Variants in SEC14L5 observed in about 807,000 individuals in gnomAD.
The protein encoded by SEC14L5 is SEC14-like protein 5.
Under a neutral mutation model 84.6 loss-of-function variants are expected in SEC14L5, and 96 were observed. The ratio of observed to expected loss-of-function variants is 1.13; its 90% CI spans 0.96 to 1.34. SEC14L5 has a LOEUF of 1.34. SEC14L5 is among the 40% of genes most tolerant of loss of function. SEC14L5 has a pLI of 0.00. For missense variants in SEC14L5, 1,224 were observed against 942.5 expected, an observed-to-expected ratio of 1.30 and a Z score of -3.91; for synonymous variants, 546 against 383.4, an observed-to-expected ratio of 1.42 and a Z score of -4.95.
chr16:5,000,858 C>G lies in SEC14L5; in HGVS notation c.1063C>G (p.Leu355Val). The G allele has an allele frequency of 3.1e-6, 5 of 1,603,958 alleles. No homozygotes were observed. The highest frequency in any genetic ancestry group is 1.1e-5 in the South Asian group (1 of 89,100). ...VGEEALLRHV[L>V]SVNEEGQKRC... is the part of the protein sequence containing the mutation. The stretch of plus-strand genomic sequence containing the variant: ...CAGCACTGTCTCTCCCTTCCAGGTT[C>G]TCTCCGTCAACGAGGAAGGACAGAA... The change falls in exon 10 of 16, where the codon CTC becomes GTC. Residue 355 changes from leucine to valine, a missense_variant. By Grantham distance (32) the Leu-to-Val change is conservative (BLOSUM62 1). Coordinates refer to ENST00000251170, the MANE Select transcript of SEC14L5 (RefSeq NM_014692.2).
At chr16:4,987,460 C>T (rs961189182) in intron 2 of SEC14L5, 97 bp from the exon 3 acceptor site, 3 of 1,084,220 alleles carry the variant, frequency 2.8e-6, no homozygotes, top group East Asian at 2.9e-5. Flanking sequence ...CTGCCTTTCC[C>T]GTCTGATAAG....
chr16:4,984,125 G>C (rs1211612672), intron 2 of SEC14L5, among the ~76,000 whole-genome samples: 1 of 152,110 alleles, frequency 6.6e-6, no homozygotes, highest in Non-Finnish European at 1.5e-5. Flanking sequence ...CTTTAGAATA[G>C]TCTCATTACC....
chr16:4,979,348 C>G (rs1437575785), intron 2 of SEC14L5, among the ~76,000 whole-genome samples: 1 of 152,136 alleles, frequency 6.6e-6, no homozygotes, highest in Non-Finnish European at 1.5e-5. Context: ...AGCTTGATCC[C>G]TCACAAGCTG....
At chr16:5,003,605 C>CG in intron 11 of SEC14L5, 32 bp downstream of exon 11, 25 of 217,290 alleles carry the variant, frequency 1.2e-4, no homozygotes, top group South Asian at 2.4e-4. Context: ...AGGACTCTCC[C>CG]TGGGGGTGGG....
chr16:5,000,791 G>A (rs1955667210), intron 9 of SEC14L5, 48 bp downstream of exon 9: 2 of 1,562,420 alleles, frequency 1.3e-6, no homozygotes, highest in Non-Finnish European at 1.7e-6. Flanking sequence ...GGCCGGGCCT[G>A]GGAAGGACTG....
At position 5,007,343 on chromosome 16, in the gene SEC14L5, G is replaced by GA; in HGVS notation, c.1438-8dup. On this transcript the variant is annotated splice_polypyrimidine_tract_variant and intron_variant, in intron 12 of 15. Coordinates refer to ENST00000251170, the MANE Select transcript of SEC14L5 (RefSeq NM_014692.2). Reference sequence around the variant, plus strand: ...CCCTGACCTGCTGCCCTTTATCTCTGACCTGCAGTGTAATGTCCCCGAAGG... The same window carrying GA: ...CCCTGACCTGCTGCCCTTTATCTCTGAACCTGCAGTGTAATGTCCCCGAAGG... 3 of 1,613,314 alleles carry GA rather than the reference G, an allele frequency of 1.9e-6. No individual in the cohort carries two copies. The South Asian group carries it at 3.3e-5, about 18-fold the overall frequency.
At chr16:4,983,546 A>G (rs895547312) in intron 2 of SEC14L5, among the ~76,000 whole-genome samples, 8 of 150,108 alleles carry the variant, frequency 5.3e-5, no homozygotes, top group African/African-American at 1.9e-4. Flanking sequence ...ATATTAACAT[A>G]TATTCATATA....
At chr16:4,990,686 C>T in intron 4 of SEC14L5, 81 bp from the exon 5 acceptor site, 7 of 1,402,788 alleles carry the variant, frequency 5.0e-6, no homozygotes, top group Non-Finnish European at 6.7e-6. Context: ...CTGCCTGGGC[C>T]CAGGTCAGTG....
chr16:5,006,079 G>C lies in SEC14L5; in HGVS notation c.1437+31G>C, dbSNP rs1298152428. 12 of 1,609,970 alleles carry C rather than the reference G, an allele frequency of 7.5e-6. No individual in the cohort carries two copies. The South Asian group carries it at 1.2e-4, about 16-fold the overall frequency. On this transcript the variant is annotated intron_variant, in intron 12 of 15. Coordinates refer to ENST00000251170, the MANE Select transcript of SEC14L5 (RefSeq NM_014692.2). The stretch of plus-strand genomic sequence containing the variant: ...GCTTCCATGTCCACAGACAGACCTG[G>C]GCTTGAGGAGGGGGCATGCCTAGCT...
At chr16:5,013,956 G>A (rs1378586859) in intron 15 of SEC14L5, among the ~76,000 whole-genome samples, 1 of 152,186 alleles carries the variant, frequency 6.6e-6, no homozygotes, top group Non-Finnish European at 1.5e-5. Flanking sequence ...GCCTTTCAAA[G>A]TGTTGGGATG....
chr16:5,006,263 T>C (rs1955731126), intron 12 of SEC14L5, among the ~76,000 whole-genome samples: 2 of 152,250 alleles, frequency 1.3e-5, no homozygotes, highest in South Asian at 4.1e-4. Context: ...GGTTGGGCCT[T>C]ACTCTGGGTC....
chr16:4,970,614 C>T (rs965855643), intron 2 of SEC14L5, among the ~76,000 whole-genome samples: 1 of 152,216 alleles, frequency 6.6e-6, no homozygotes, highest in African/African-American at 2.4e-5. Flanking sequence ...TCAGGGGAAC[C>T]AGCTGATCCT....
chr16:5,011,020 G>A (rs182233316), intron 14 of SEC14L5, 75 bp from the exon 15 acceptor site: 1 of 1,408,076 alleles, frequency 7.1e-7, no homozygotes, highest in South Asian at 1.3e-5. Flanking sequence ...GTGATGAGAA[G>A]CCCATGAAGG....
At chr16:4,976,047 G>A (rs1317982535) in intron 2 of SEC14L5, among the ~76,000 whole-genome samples, 1 of 152,190 alleles carries the variant, frequency 6.6e-6, no homozygotes, top group Non-Finnish European at 1.5e-5. Context: ...TCTGTCAAGT[G>A]ATTAGCAGAA....
intron 2 of SEC14L5, among the ~76,000 whole-genome samples, chr16:4,966,760 A>G (rs1348910103): frequency 6.6e-6 from 1 of 152,148 alleles, no homozygotes; most frequent in Non-Finnish European, 1.5e-5. Context: ...CACCCCAACT[A>G]TGAGCTCTAC....
chr16:4,970,833 G>T (rs1242116573), intron 2 of SEC14L5, among the ~76,000 whole-genome samples: 1 of 152,236 alleles, frequency 6.6e-6, no homozygotes, highest in Non-Finnish European at 1.5e-5. Context: ...GACCTGGCTG[G>T]GTGCGGTGGC....
intron 11 of SEC14L5, 68 bp downstream of exon 11, chr16:5,003,641 A>G (rs906235041): frequency 1.3e-5 from 13 of 968,504 alleles, no homozygotes; most frequent in Admixed American, 9.8e-5. Flanking sequence ...TCCGTCTGCA[A>G]GCAGCTCTGC....
At chr16:4,962,104 A>G (rs1955129020) in intron 2 of SEC14L5, among the ~76,000 whole-genome samples, 2 of 151,280 alleles carry the variant, frequency 1.3e-5, no homozygotes, top group South Asian at 2.1e-4. Context: ...TTCATAGAAT[A>G]AGACAGGACT....
At chr16:5,006,712 C>G (rs1288431284) in intron 12 of SEC14L5, among the ~76,000 whole-genome samples, 1 of 152,192 alleles carries the variant, frequency 6.6e-6, no homozygotes, top group Non-Finnish European at 1.5e-5. Flanking sequence ...CTTGCCTGTT[C>G]TCTCCGTTTG....
Sources: gnomAD v4.1 joint callset for allele counts (sites outside exome capture counted in the v4.1 genomes callset) on GRCh38, gnomAD v4.1.1 for gene constraint, MANE v1.5 for transcripts, NCBI Gene and HGNC (gene_info 2026-07-23, HGNC 2026-07-21) for gene names.